FBXO36: variants seen among roughly 807,000 people sequenced by gnomAD.
The protein encoded by FBXO36 is F-box protein 36, also known as F-box only protein 36.
In FBXO36, 18 loss-of-function variants were observed where a neutral mutation model predicts 17.0. The ratio of observed to expected loss-of-function variants is 1.06; its 90% CI spans 0.73 to 1.57. The LOEUF (loss-of-function observed/expected upper bound fraction) is 1.57, where lower values mean the gene tolerates loss of function less well. FBXO36 is among the 40% of genes most tolerant of loss of function. The probability of loss-of-function intolerance (pLI) is 0.00; values close to 1 mark genes in which losing one functional copy is unlikely to be tolerated. For missense variants in FBXO36, 229 were observed against 221.9 expected (o/e 1.03, Z -0.20); for synonymous variants, 83 against 85.3 (o/e 0.97, Z 0.15).
intron 3 of FBXO36, among the ~76,000 whole-genome samples, chr2:230,004,929 CCAGAAGG>C (rs1457888967): frequency 1.3e-5 from 2 of 152,052 alleles, no homozygotes; most frequent in Non-Finnish European, 2.9e-5. Context: ...TCGCTTGAAC[CCAGAAGG>C]CAGAGTTTGC....
In FBXO36 at chr2:230,012,145, C is replaced by T. The variant is rs1224999107; in HGVS notation, c.*1261C>T. On this transcript the variant is annotated 3_prime_UTR_variant, in exon 4 of 4. Coordinates refer to ENST00000283946, the MANE Select transcript of FBXO36 (RefSeq NM_174899.5). ...CTTTCCTACCTAGGAAAACTCACCT[C>T]CGGTGCCAGAGAAACTTCCCAGGAT... The T allele has an allele frequency of 6.6e-6, 1 of 152,196 alleles. No homozygotes were observed. The highest frequency in any genetic ancestry group is 1.5e-5 in the Non-Finnish European group (1 of 68,036). 9.4% of individuals were successfully genotyped at this position (152,196 alleles called of 1,614,324 possible).
chr2:229,947,053 A>G (rs1200140217), intron 1 of FBXO36, among the ~76,000 whole-genome samples: 1 of 152,128 alleles, frequency 6.6e-6, no homozygotes, highest in Non-Finnish European at 1.5e-5. Context: ...CTGTAATCTC[A>G]GCTACTTGGG....
chr2:229,952,629 G>A (rs533140861), intron 1 of FBXO36, among the ~76,000 whole-genome samples: 2 of 152,130 alleles, frequency 1.3e-5, no homozygotes, highest in South Asian at 4.2e-4. Context: ...AAAGTGCCTC[G>A]CATCCCCAGC....
At chr2:229,954,800 GC>G (rs2077077774) in intron 1 of FBXO36, among the ~76,000 whole-genome samples, 1 of 150,454 alleles carries the variant, frequency 6.6e-6, no homozygotes, top group African/African-American at 2.4e-5. Flanking sequence ...GCCTGCCTCG[GC>G]CTCCTAAAGT....
chr2:229,997,066 T>C, intron 3 of FBXO36, 143 bp downstream of exon 3: 1 of 723,824 alleles, frequency 1.4e-6, no homozygotes, highest in Non-Finnish European at 2.3e-6. Flanking sequence ...GAAATGACAT[T>C]CCTCCCCTCA....
At chr2:229,988,021 C>A (rs2077278008) in intron 2 of FBXO36, among the ~76,000 whole-genome samples, 2 of 152,098 alleles carry the variant, frequency 1.3e-5, no homozygotes, top group Non-Finnish European at 2.9e-5. Flanking sequence ...TAACTTGCGT[C>A]TTTATTCTCA....
At chr2:229,960,428 C>A (rs1202089839) in intron 1 of FBXO36, among the ~76,000 whole-genome samples, 4 of 151,946 alleles carry the variant, frequency 2.6e-5, no homozygotes, top group Non-Finnish European at 4.4e-5. Flanking sequence ...ATCCTGCCAC[C>A]TTGGCTTCCC....
At chr2:229,994,136 A>T (rs760718599) in intron 2 of FBXO36, among the ~76,000 whole-genome samples, 11 of 152,088 alleles carry the variant, frequency 7.2e-5, no homozygotes, top group Non-Finnish European at 1.2e-4. Flanking sequence ...CATGCTTTGA[A>T]CATGTTTTCT....
In FBXO36 at chr2:229,965,136, T is replaced by C. The variant is rs1006059880; in HGVS notation, c.97-11105T>C. Among the ~76,000 whole-genome samples, 3 of 147,532 alleles carry C rather than the reference T, an allele frequency of 2.0e-5. No homozygotes were observed. In the South Asian group the frequency reaches 6.4e-4, roughly 31 times the overall value. On this transcript the variant is annotated intron_variant, in intron 1 of 3. Coordinates refer to ENST00000283946, the MANE Select transcript of FBXO36 (RefSeq NM_174899.5). ...GATTTTTTAATACGCAGACCCTTTC[T>C]TTCTTCCTTCCTTTTTTTTTTTTTT...
intron 2 of FBXO36, among the ~76,000 whole-genome samples, chr2:229,981,532 CCT>C (rs758463497): frequency 4.0e-5 from 6 of 151,678 alleles, no homozygotes; most frequent in Admixed American, 6.6e-5. Context: ...ATGGCAAAAC[CCT>C]GTTTCTACAA....
chr2:229,958,709 A>G (rs964760360), intron 1 of FBXO36, among the ~76,000 whole-genome samples: 2 of 152,174 alleles, frequency 1.3e-5, no homozygotes, highest in African/African-American at 2.4e-5. Flanking sequence ...CTTGGGAGTG[A>G]TGTCTCACGG....
chr2:229,936,108 G>A (rs986557319), intron 1 of FBXO36, among the ~76,000 whole-genome samples: 5 of 152,036 alleles, frequency 3.3e-5, no homozygotes, highest in South Asian at 2.1e-4. Flanking sequence ...TGCTTGAACC[G>A]GGAGGCAGAG....
Position 230,012,673 on chromosome 2 carries a change from C to T in FBXO36, c.*1789C>T, listed in dbSNP as rs1290499460. On this transcript the variant is annotated 3_prime_UTR_variant, in exon 4 of 4. Transcript: ENST00000283946. ...TGGCTCTCCCTGAGCTCCCAGACTT[C>T]ACTCATGGCCTAATTTTCAATGACA... 6.6e-6 allele frequency: 1 copy of T among 151,722 alleles called. No homozygotes were observed. The highest frequency in any genetic ancestry group is 1.5e-5 in the Non-Finnish European group (1 of 67,862). The allele number at this position is 151,722 out of a possible 1,614,324, so 9.4% of individuals were successfully genotyped here. A position where few individuals can be genotyped will look rare whatever the true frequency, so the allele number is the denominator to read the frequency against.
chr2:230,010,621 C>A (rs771611188), intron 3 of FBXO36, 75 bp from the exon 4 acceptor site: 11 of 1,368,310 alleles, frequency 8.0e-6, no homozygotes, highest in East Asian at 2.4e-5. Flanking sequence ...CTCCAGTGTC[C>A]CACAGGCAGC....
intron 1 of FBXO36, among the ~76,000 whole-genome samples, chr2:229,946,665 A>G (rs1033968865): frequency 7.2e-5 from 11 of 152,192 alleles, no homozygotes; most frequent in African/African-American, 2.7e-4. Context: ...GATAGAGGAG[A>G]GACAATTTCT....
At chr2:229,992,695 A>T (rs2077303831) in intron 2 of FBXO36, among the ~76,000 whole-genome samples, 1 of 152,224 alleles carries the variant, frequency 6.6e-6, no homozygotes, top group Admixed American at 6.5e-5. Flanking sequence ...CCCAAAACGT[A>T]ATGACTTAAA....
rs76206252 is a variant in FBXO36 at position 229,942,662 on chromosome 2, C to T, written c.96+20053C>T. On this transcript the variant is annotated intron_variant, in intron 1 of 3. Coordinates refer to ENST00000283946, the MANE Select transcript of FBXO36 (RefSeq NM_174899.5). ...GTGTACCAGTGCCTACTTGCTGCTC[C>T]ACCACAGGCTAGGCCACTTGTCTCC... The T allele has an allele frequency of 7.0e-3, 1,069 of 152,488 alleles. 6 individuals are homozygous for T. The highest frequency in any genetic ancestry group is 0.051 in the Middle Eastern group (15 of 294). The allele number at this position is 152,488 out of a possible 1,614,324, so 9.4% of individuals were successfully genotyped here. A position where few individuals can be genotyped will look rare whatever the true frequency, so the allele number is the denominator to read the frequency against.
At chr2:229,963,868 C>G (rs1483225946) in intron 1 of FBXO36, among the ~76,000 whole-genome samples, 1 of 152,322 alleles carries the variant, frequency 6.6e-6, no homozygotes, top group East Asian at 1.9e-4. Context: ...TCCCTCCATA[C>G]ATTTTGTACC....
chr2:229,945,367 C>T (rs376332527), intron 1 of FBXO36, among the ~76,000 whole-genome samples: 12 of 152,158 alleles, frequency 7.9e-5, no homozygotes, highest in East Asian at 1.9e-4. Context: ...AGTGCAGTGG[C>T]GCAATCTCGG....
Sources: gnomAD v4.1 joint callset for allele counts (sites outside exome capture counted in the v4.1 genomes callset) on GRCh38, gnomAD v4.1.1 for gene constraint, MANE v1.5 for transcripts, NCBI Gene and HGNC (gene_info 2026-07-23, HGNC 2026-07-21) for gene names.